DTNA: variants seen among roughly 807,000 people sequenced by gnomAD.
DTNA encodes dystrobrevin alpha, also known as dystrophin-related protein 3.
In DTNA, 43 loss-of-function variants were observed where a neutral mutation model predicts 100.7. That is an observed-to-expected ratio of 0.43 (90% CI 0.33 to 0.55). The LOEUF (loss-of-function observed/expected upper bound fraction) is 0.55. Among genes scored for constraint, DTNA ranks in the 20% least tolerant of loss-of-function variants. The probability of loss-of-function intolerance (pLI) is 0.04; values close to 1 mark genes in which losing one functional copy is unlikely to be tolerated. For synonymous variants in DTNA, 349 were observed against 347.9 expected (o/e 1.00, Z -0.04); for missense variants, 798 against 953.9 (o/e 0.84, Z 2.15).
At chr18:34,627,751 T>G (rs1360920949) in intron 1 of DTNA, among the ~76,000 whole-genome samples, 1 of 152,184 alleles carries the variant, frequency 6.6e-6, no homozygotes, top group Non-Finnish European at 1.5e-5. Context: ...CAGCTGTGCT[T>G]ATTGAGAATT....
intron 1 of DTNA, among the ~76,000 whole-genome samples, chr18:34,501,728 C>T (rs1440691582): frequency 6.6e-6 from 1 of 152,090 alleles, no homozygotes; most frequent in Non-Finnish European, 1.5e-5. Context: ...CCTCACAGTT[C>T]TGGAGGTTAC....
In DTNA at chr18:34,721,669, A is replaced by G. The variant is rs547145116; in HGVS notation, c.-2+11224A>G. 5.9e-5 allele frequency among the ~76,000 whole-genome samples: 9 copies of G among 152,366 alleles called. No individual in the cohort carries two copies. The South Asian group carries it at 1.2e-3, about 21-fold the overall frequency. On this transcript the variant is annotated intron_variant, in intron 1 of 22. Coordinates refer to ENST00000444659, the MANE Select transcript of DTNA (RefSeq NM_001386795.1). Reference sequence around the variant, plus strand: ...GCAAAACTAATCAAAGGAAATTATCATGAGCCCCAAAACTACTCTGCTTCT... The same window carrying G: ...GCAAAACTAATCAAAGGAAATTATCGTGAGCCCCAAAACTACTCTGCTTCT...
At position 34,864,075 on chromosome 18, in the gene DTNA, A is replaced by T. The variant is rs767880050; in HGVS notation, c.1743+13A>T. 1 of 1,598,998 alleles carries T rather than the reference A, an allele frequency of 6.3e-7. No individual in the cohort carries two copies. Among genetic ancestry groups the T allele is most frequent in the East Asian group, 2.2e-5 (1 of 44,640 alleles). On this transcript the variant is annotated intron_variant, in intron 17 of 22. Coordinates refer to ENST00000444659, the MANE Select transcript of DTNA (RefSeq NM_001386795.1). ...GAAGCTACTAAAGGTAAGACCTGCC[A>T]GATAAATTTTCCTGAGCTTATTTTC...
At chr18:34,772,480 A>G (rs2093826409) in intron 3 of DTNA, among the ~76,000 whole-genome samples, 1 of 152,216 alleles carries the variant, frequency 6.6e-6, no homozygotes, top group South Asian at 2.1e-4. Flanking sequence ...TCGGTCCTGA[A>G]TCAATATTCT....
chr18:34,800,982 T>C (rs1466369478), intron 4 of DTNA, among the ~76,000 whole-genome samples: 1 of 151,840 alleles, frequency 6.6e-6, no homozygotes, highest in Non-Finnish European at 1.5e-5. Context: ...ACTAAAGCAG[T>C]TTCTCACTTC....
chr18:34,552,086 C>G (rs991886880), intron 1 of DTNA, among the ~76,000 whole-genome samples: 4 of 152,006 alleles, frequency 2.6e-5, no homozygotes, highest in African/African-American at 9.7e-5. Context: ...AATGTCCTTC[C>G]CAAGCCACCT....
chr18:34,667,035 T>C (rs1254897643), intron 1 of DTNA, among the ~76,000 whole-genome samples: 2 of 152,240 alleles, frequency 1.3e-5, no homozygotes, highest in East Asian at 3.8e-4. Flanking sequence ...TTTCACGATA[T>C]TGATTCTTCC....
intron 3 of DTNA, among the ~76,000 whole-genome samples, chr18:34,786,453 T>C (rs1043452163): frequency 2.0e-5 from 3 of 152,180 alleles, no homozygotes; most frequent in African/African-American, 7.2e-5. Flanking sequence ...GAGAACTGAA[T>C]GCATTTTCAG....
chr18:34,629,347 A>G (rs1028987312), intron 1 of DTNA, among the ~76,000 whole-genome samples: 5 of 152,232 alleles, frequency 3.3e-5, no homozygotes, highest in Admixed American at 6.5e-5. Context: ...CGGAGTTTCC[A>G]TAAGTAACTG....
chr18:34,670,649 C>A (rs1269580936), intron 1 of DTNA, among the ~76,000 whole-genome samples: 2 of 152,156 alleles, frequency 1.3e-5, no homozygotes, highest in African/African-American at 2.4e-5. Flanking sequence ...CAGTCAGGAC[C>A]CTCAGCTGCA....
chr18:34,856,670 G>T (rs1156648152), intron 15 of DTNA, among the ~76,000 whole-genome samples: 1 of 152,166 alleles, frequency 6.6e-6, no homozygotes, highest in African/African-American at 2.4e-5. Flanking sequence ...CTTTCAACTG[G>T]TCTGTGCCTG....
At chr18:34,522,695 A>G (rs892207246) in intron 1 of DTNA, among the ~76,000 whole-genome samples, 1 of 152,186 alleles carries the variant, frequency 6.6e-6, no homozygotes, top group Non-Finnish European at 1.5e-5. Context: ...TCAAGTGCAA[A>G]TAGACCCATA....
chr18:34,710,123 T>C (rs1409392658), upstream of DTNA, among the ~76,000 whole-genome samples: 1 of 152,182 alleles, frequency 6.6e-6, no homozygotes, highest in African/African-American at 2.4e-5. Flanking sequence ...AAGAGAAGCA[T>C]ATTCAAATTA....
At chr18:34,555,715 G>C (rs111350580) in intron 1 of DTNA, among the ~76,000 whole-genome samples, 14,015 of 152,136 alleles carry the variant, frequency 0.092, 649 homozygotes, top group South Asian at 0.11. Flanking sequence ...CTGAGTTCTA[G>C]TTTGATTGCA....
At chr18:34,543,314 A>G (rs1266345650) in intron 1 of DTNA, among the ~76,000 whole-genome samples, 1 of 152,068 alleles carries the variant, frequency 6.6e-6, no homozygotes, top group African/African-American at 2.4e-5. Context: ...TGGGCAATAC[A>G]TAATTTCTCC....
intron 1 of DTNA, among the ~76,000 whole-genome samples, chr18:34,537,787 G>A (rs1330505205): frequency 6.6e-6 from 1 of 151,936 alleles, no homozygotes; most frequent in Admixed American, 6.6e-5. Flanking sequence ...GAGGAAATGT[G>A]TAGTAATGCT....
intron 1 of DTNA, among the ~76,000 whole-genome samples, chr18:34,746,966 G>T (rs1330898756): frequency 6.6e-6 from 1 of 151,976 alleles, no homozygotes; most frequent in Non-Finnish European, 1.5e-5. Flanking sequence ...CAGAATAAGA[G>T]GTTTCTTCCT....
chr18:34,596,875 C>T (rs1255946008), intron 1 of DTNA, among the ~76,000 whole-genome samples: 2 of 152,004 alleles, frequency 1.3e-5, no homozygotes, highest in African/African-American at 4.8e-5. Context: ...TAATTATACG[C>T]AAGTTGTGGG....
chr18:34,498,756 T>C (rs1480445285), intron 1 of DTNA, among the ~76,000 whole-genome samples: 1 of 152,124 alleles, frequency 6.6e-6, no homozygotes, highest in Non-Finnish European at 1.5e-5. Flanking sequence ...GCGTATCTTT[T>C]CTTGTCACAT....
Sources: allele counts gnomAD v4.1 joint callset (sites outside exome capture counted in the v4.1 genomes callset), GRCh38; gene constraint gnomAD v4.1.1; transcripts MANE v1.5; gene names NCBI Gene and HGNC (gene_info 2026-07-23, HGNC 2026-07-21).